SYNE1: variants seen among roughly 807,000 people sequenced by gnomAD.
SYNE1 encodes the protein spectrin repeat containing nuclear envelope protein 1, also known as nesprin-1.
SYNE1 carries 616 observed loss-of-function variants against 1,111.0 expected under a neutral mutation model. That is an observed-to-expected ratio of 0.55 (90% CI 0.52 to 0.59). SYNE1 has a LOEUF of 0.59. Ranked by LOEUF, SYNE1 falls within the 20% of genes least tolerant of loss-of-function variation. The pLI is 0.00. For missense variants in SYNE1, 10,006 were observed against 10,417.0 expected, an observed-to-expected ratio of 0.96 and a Z score of 1.72; for synonymous variants, 3,855 against 3,825.8, an observed-to-expected ratio of 1.01 and a Z score of -0.28.
chr6:152,145,420 TG>T, intron 137 of SYNE1: 1 of 1,440,786 alleles, frequency 6.9e-7, no homozygotes, highest in Non-Finnish European at 9.8e-7. Flanking sequence ...AGACAGCAGA[TG>T]TGCTAAGAGA....
intron 104 of SYNE1, among the ~76,000 whole-genome samples, chr6:152,253,818 G>GTTTTTGTTTTTTTT (rs2090063979): frequency 1.3e-5 from 1 of 74,808 alleles, no homozygotes; most frequent in Non-Finnish European, 2.3e-5. Flanking sequence ...TAGTGGTTTG[G>GTTTTTGTTTTTTTT]TTTTTTTTTT....
rs1004020117 is a variant in SYNE1, at chr6:152,413,452, G to C, written c.6130C>G (p.Gln2044Glu). The change falls in exon 42 of 146, where the codon CAA (glutamine) becomes GAA (glutamate). Residue 2044 changes from glutamine to glutamate, a missense_variant. Transcript: ENST00000367255. ...AAAGCTACATCTTTCTGGGCAATTT[G>C]CTTGGCTTTGTCTTTCAACCAACAT... Reference protein sequence around the residue: ...ELCWLKDKAKQIAQKDVAFAP... With the variant: ...ELCWLKDKAKEIAQKDVAFAP... 6.2e-7 allele frequency: 1 copy of C among 1,614,114 alleles called. No individual in the cohort carries two copies. Among genetic ancestry groups the C allele is most frequent in the Non-Finnish European group, 8.5e-7 (1 of 1,180,014 alleles).
intron 45 of SYNE1, among the ~76,000 whole-genome samples, chr6:152,406,371 C>G (rs182503746): frequency 2.0e-5 from 3 of 152,048 alleles, no homozygotes; most frequent in Admixed American, 2.0e-4. Flanking sequence ...ACAAACACTT[C>G]CAATTTGGTT....
Position 152,465,265 on chromosome 6 carries a change from G to C in SYNE1, c.1925C>G (p.Ala642Gly). 6.2e-7 allele frequency: 1 copy of C among 1,613,386 alleles called. No homozygotes were observed. Among genetic ancestry groups the C allele is most frequent in the South Asian group, 1.1e-5 (1 of 91,070 alleles). The change falls in exon 18 of 146, where the codon GCC (alanine) becomes GGC (glycine). Residue 642 changes from alanine to glycine, a missense_variant. Ala to Gly is a moderately conservative substitution (Grantham distance 60). Coordinates refer to ENST00000367255, the MANE Select transcript of SYNE1 (RefSeq NM_182961.4). ...AEKMLNQSEN[A>G]KKDFFRNLPH... ...TGCATGAACCAATCTTACCTTTTTG[G>C]CATTTTCTGATTGATTGAGCATTTT... is the stretch of plus-strand genomic sequence containing the variant.
At chr6:152,277,984 A>G in intron 98 of SYNE1, 105 bp downstream of exon 98, 1 of 1,201,816 alleles carries the variant, frequency 8.3e-7, no homozygotes, top group Non-Finnish European at 1.2e-6. Context: ...GTACACACAC[A>G]AGTACGCGTC....
At position 152,426,841 on chromosome 6, in the gene SYNE1, A is replaced by G. The variant is rs77366562; in HGVS notation, c.5100+852T>C. Among the ~76,000 whole-genome samples the G allele has an allele frequency of 8.6e-3, 1,314 of 152,310 alleles. 20 individuals carry two copies. Among genetic ancestry groups the G allele is most frequent in the African/African-American group, 0.03 (1,238 of 41,554 alleles). On this transcript the variant is annotated intron_variant, in intron 38 of 145. Transcript: ENST00000367255. ...AGTACCCCCCAAGTCAAGGAAGGAG[A>G]ACATTTAAAGGTGGGGCCACAGATT...
intron 6 of SYNE1, among the ~76,000 whole-genome samples, chr6:152,514,644 A>C (rs1203002854): frequency 1.3e-5 from 2 of 151,238 alleles, no homozygotes; most frequent in Non-Finnish European, 2.9e-5. Flanking sequence ...ATAATAAAAA[A>C]AAACAATGAA....
chr6:152,196,650 A>T (rs564926851), intron 127 of SYNE1, among the ~76,000 whole-genome samples: 1 of 151,972 alleles, frequency 6.6e-6, no homozygotes, highest in South Asian at 2.1e-4. Context: ...TTGGTATCCA[A>T]GTTGCAAAAC....
chr6:152,462,492 TAAC>T, intron 20 of SYNE1: 1 of 591,944 alleles, frequency 1.7e-6, no homozygotes, highest in Non-Finnish European at 3.0e-6. Context: ...TAATACTTTT[TAAC>T]TTGGTTGTAG....
Position 152,416,401 on chromosome 6 carries a change from T to G in SYNE1, c.6036A>C (p.Gln2012His), listed in dbSNP as rs1322922060. The change falls in exon 41 of 146, where the codon CAA becomes CAC. Residue 2012 changes from glutamine (Q) to histidine (H), a missense_variant. By Grantham distance (24) the Gln-to-His change is conservative. Coordinates refer to ENST00000367255, the MANE Select transcript of SYNE1 (RefSeq NM_182961.4). ...TTCCTATTTACCTCTGCTGAAGAGC[T>G]TGGCGGGTAGGTTCTTTCAATCGCT... is the stretch of plus-strand genomic sequence containing the variant. Reference protein sequence around the residue: ...DKERLKEPTRQALQQRLRVFN... With the variant: ...DKERLKEPTRHALQQRLRVFN... 1 of 1,614,146 alleles carries G rather than the reference T, an allele frequency of 6.2e-7. No individual in the cohort carries two copies.
chr6:152,371,689 G>A, intron 59 of SYNE1, among the ~76,000 whole-genome samples: 1 of 76,704 alleles, frequency 1.3e-5, no homozygotes. Flanking sequence ...GAAGGGGGAG[G>A]GGGAGGAGAG....
At chr6:152,198,022 G>C (rs1010924501) in intron 127 of SYNE1, among the ~76,000 whole-genome samples, 8 of 151,682 alleles carry the variant, frequency 5.3e-5, no homozygotes, top group South Asian at 2.1e-4. Context: ...GGAGGGGAGG[G>C]GAGGGGAGAA....
intron 107 of SYNE1, 53 bp from the exon 108 acceptor site, chr6:152,239,759 G>GAATC: frequency 2.1e-5 from 33 of 1,608,744 alleles, no homozygotes; most frequent in Non-Finnish European, 2.7e-5. Flanking sequence ...TATTATGTTA[G>GAATC]AATCAAAATT....
intron 130 of SYNE1, among the ~76,000 whole-genome samples, chr6:152,174,922 G>A (rs1452000737): frequency 3.9e-5 from 6 of 152,240 alleles, no homozygotes; most frequent in Non-Finnish European, 8.8e-5. Flanking sequence ...GGCTGGGTGC[G>A]GTGGCTCACA....
In SYNE1 at chr6:152,268,164, T is replaced by C. The variant is rs1344051043; in HGVS notation, c.18707A>G (p.Glu6236Gly). Residue 6236 changes from glutamate (E) to glycine (G), a missense_variant and splice_region_variant, in exon 100 of 146, where the codon GAG (glutamate) becomes GGG (glycine). Glu to Gly is a moderately conservative substitution (Grantham distance 98). Transcript: ENST00000367255. ...CTGCTCGGCTAATTCCTGTTCTAAC[T>C]CCTGCTCAAGGGAAAGGACAAACGC... ...QRQSSLQQQK[E>G]LEQELAEQKS... The C allele has an allele frequency of 6.2e-7, 1 of 1,613,082 alleles. No individual in the cohort carries two copies. The highest frequency in any genetic ancestry group is 1.3e-5 in the African/African-American group (1 of 74,908).
intron 54 of SYNE1, 117 bp downstream of exon 54, chr6:152,386,955 T>C: frequency 1.1e-6 from 1 of 916,184 alleles, no homozygotes; most frequent in Non-Finnish European, 1.6e-6. Flanking sequence ...TCTCCAACAA[T>C]TTAATCCACA....
intron 131 of SYNE1, among the ~76,000 whole-genome samples, chr6:152,161,402 T>C (rs566623871): frequency 9.3e-5 from 14 of 151,330 alleles, no homozygotes; most frequent in African/African-American, 3.4e-4. Context: ...AATTTTATTA[T>C]GTTTATGTCT....
At chr6:152,573,322 T>TCC (rs147968366) in intron 3 of SYNE1, among the ~76,000 whole-genome samples, 1 of 121,768 alleles carries the variant, frequency 8.2e-6, no homozygotes, top group Non-Finnish European at 1.7e-5. Context: ...CCTAATGCTA[T>TCC]CCCCCCCCCT....
At chr6:152,532,514 G>A (rs914809723) in intron 4 of SYNE1, among the ~76,000 whole-genome samples, 1 of 152,186 alleles carries the variant, frequency 6.6e-6, no homozygotes, top group African/African-American at 2.4e-5. Context: ...TAGAAGAATA[G>A]CGCATGCCAC....
Sources: gnomAD v4.1 joint callset for allele counts (sites outside exome capture counted in the v4.1 genomes callset) on GRCh38, gnomAD v4.1.1 for gene constraint, MANE v1.5 for transcripts, NCBI Gene and HGNC (gene_info 2026-07-23, HGNC 2026-07-21) for gene names.